The following CPE variants were observed in gnomAD, a reference collection of about 807,000 sequenced individuals.
CPE encodes carboxypeptidase E, also known as carbocypeptidase E.
Under a neutral mutation model 53.5 loss-of-function variants are expected in CPE, and 17 were observed. The ratio of observed to expected loss-of-function variants is 0.32; its 90% CI spans 0.22 to 0.48. The LOEUF (loss-of-function observed/expected upper bound fraction) is 0.48, where lower values mean the gene tolerates loss of function less well. CPE is among the 20% of genes least tolerant of loss of function. The pLI, the probability that CPE is intolerant of heterozygous loss-of-function variation, is 0.99. For synonymous variants in CPE, 226 were observed against 228.8 expected, an observed-to-expected ratio of 0.99 and a Z score of 0.11; for missense variants, 524 against 614.7, an observed-to-expected ratio of 0.85 and a Z score of 1.56.
At chr4:165,424,546 T>TTA (rs1190891333) in intron 1 of CPE, among the ~76,000 whole-genome samples, 1 of 152,116 alleles carries the variant, frequency 6.6e-6, no homozygotes, top group African/African-American at 2.4e-5. Context: ...ATTTATTTAT[T>TTA]TTTTTGAGAT....
chr4:165,405,309 T>A lies in CPE; in HGVS notation c.307+25781T>A. The A allele has an allele frequency of 2.2e-6, 3 of 1,339,434 alleles. No individual in the cohort carries two copies. The South Asian group carries it at 3.5e-5, about 16-fold the overall frequency. 83.0% of individuals were successfully genotyped at this position (1,339,434 alleles called of 1,614,324 possible). On this transcript the variant is annotated intron_variant, in intron 1 of 8. Transcript: ENST00000402744. ...TCCTTCTGTGGAGCTCCAGATGTAT[T>A]CTTCTTGCACAGGACCTGACCATGG... is the stretch of plus-strand genomic sequence containing the variant.
intron 1 of CPE, among the ~76,000 whole-genome samples, chr4:165,411,481 T>A (rs748962878): frequency 1.3e-5 from 2 of 152,188 alleles, no homozygotes; most frequent in Non-Finnish European, 2.9e-5. Flanking sequence ...TAAATCAGTG[T>A]CATACCAGTT....
chr4:165,417,149 A>G (rs1056688617), intron 1 of CPE, among the ~76,000 whole-genome samples: 1 of 152,166 alleles, frequency 6.6e-6, no homozygotes, highest in African/African-American at 2.4e-5. Flanking sequence ...AGAAGAAGGA[A>G]TGGGTGAGTG....
chr4:165,419,982 A>T (rs986332963), intron 1 of CPE, among the ~76,000 whole-genome samples: 1 of 152,330 alleles, frequency 6.6e-6, no homozygotes. Context: ...TCAAATATGA[A>T]AATAAAAGAT....
intron 1 of CPE, among the ~76,000 whole-genome samples, chr4:165,384,648 G>C (rs1245043438): frequency 1.3e-5 from 2 of 152,062 alleles, no homozygotes; most frequent in Non-Finnish European, 2.9e-5. Context: ...CAATAAAAAA[G>C]GGAGCTTATC....
At chr4:165,484,774 C>G (rs1732476399) in intron 5 of CPE, among the ~76,000 whole-genome samples, 170 bp downstream of exon 5, 1 of 152,118 alleles carries the variant, frequency 6.6e-6, no homozygotes. Flanking sequence ...TGAATGATTA[C>G]TATGTATAAT....
At chr4:165,458,651 A>G (rs371081188) in intron 1 of CPE, among the ~76,000 whole-genome samples, 3 of 152,202 alleles carry the variant, frequency 2.0e-5, no homozygotes, top group East Asian at 1.9e-4. Flanking sequence ...TACAACCCAC[A>G]TTCACATTTG....
At chr4:165,449,160 G>C (rs913653189) in intron 1 of CPE, among the ~76,000 whole-genome samples, 2 of 152,194 alleles carry the variant, frequency 1.3e-5, no homozygotes, top group Admixed American at 6.5e-5. Flanking sequence ...TGATTATCAA[G>C]ACCAATCCTC....
At chr4:165,487,947 G>A (rs1192690529) in intron 6 of CPE, among the ~76,000 whole-genome samples, 1 of 152,056 alleles carries the variant, frequency 6.6e-6, no homozygotes, top group Non-Finnish European at 1.5e-5. Context: ...ATTTAAGGAG[G>A]ATTTTAATCT....
chr4:165,433,988 C>A (rs1030972399), intron 1 of CPE, among the ~76,000 whole-genome samples: 1 of 152,130 alleles, frequency 6.6e-6, no homozygotes, highest in Non-Finnish European at 1.5e-5. Flanking sequence ...AGCTGTTTTA[C>A]GGTTCCCTGG....
intron 1 of CPE, among the ~76,000 whole-genome samples, chr4:165,397,047 T>G (rs951859398): frequency 6.6e-6 from 1 of 152,080 alleles, no homozygotes; most frequent in Non-Finnish European, 1.5e-5. Context: ...GGTGATAGAA[T>G]GAGACCTTGT....
chr4:165,435,469 A>G (rs1731484258), intron 1 of CPE, among the ~76,000 whole-genome samples: 1 of 152,230 alleles, frequency 6.6e-6, no homozygotes, highest in African/African-American at 2.4e-5. Context: ...GGGTTATTAT[A>G]TCATAGGAAA....
intron 1 of CPE, among the ~76,000 whole-genome samples, chr4:165,418,944 T>C (rs1731165695): frequency 6.6e-6 from 1 of 152,182 alleles, no homozygotes; most frequent in Non-Finnish European, 1.5e-5. Context: ...TTAAGATAGA[T>C]GTGGTTGAAC....
At chr4:165,395,552 T>C (rs1730749493) in intron 1 of CPE, among the ~76,000 whole-genome samples, 1 of 152,212 alleles carries the variant, frequency 6.6e-6, no homozygotes, top group Admixed American at 6.5e-5. Flanking sequence ...CCAAGTTATC[T>C]TATATAAATG....
At position 165,464,298 on chromosome 4, in the gene CPE, C is replaced by T. The variant is rs75758673; in HGVS notation, c.308-92C>T. The T allele has an allele frequency of 5.6e-4, 570 of 1,024,518 alleles. 6 individuals carry two copies. In the East Asian group the frequency reaches 0.015, roughly 27 times the overall value. 63.5% of individuals were successfully genotyped at this position (1,024,518 alleles called of 1,614,324 possible). A position where few individuals can be genotyped will look rare whatever the true frequency, so the allele number is the denominator to read the frequency against. On this transcript the variant is annotated intron_variant, in intron 1 of 8. Transcript: ENST00000402744. ...GGCATCGCTGCTGGAGGAAAAAACC[C>T]ATCAGATATTCATAATACATTTGTA...
At chr4:165,496,052 G>C (rs1732700875) in intron 8 of CPE, among the ~76,000 whole-genome samples, 1 of 152,020 alleles carries the variant, frequency 6.6e-6, no homozygotes, top group Admixed American at 6.6e-5. Context: ...AATTTTAGGT[G>C]GTAACCAAAC....
intron 1 of CPE, among the ~76,000 whole-genome samples, chr4:165,391,285 T>G (rs1730674884): frequency 6.6e-6 from 1 of 152,156 alleles, no homozygotes. Context: ...GACTTGTTAA[T>G]ATTTTTTCAA....
At chr4:165,427,346 T>A (rs1731338602) in intron 1 of CPE, among the ~76,000 whole-genome samples, 1 of 152,008 alleles carries the variant, frequency 6.6e-6, no homozygotes, top group Non-Finnish European at 1.5e-5. Context: ...TTTTTTTTCC[T>A]GTGCATATGT....
chr4:165,401,127 A>G (rs967033343), intron 1 of CPE, among the ~76,000 whole-genome samples: 1 of 151,890 alleles, frequency 6.6e-6, no homozygotes, highest in Non-Finnish European at 1.5e-5. Context: ...TTTGTACTGG[A>G]TAACTCTTCT....
Sources: allele counts gnomAD v4.1 joint callset (sites outside exome capture counted in the v4.1 genomes callset), GRCh38; gene constraint gnomAD v4.1.1; transcripts MANE v1.5; gene names NCBI Gene and HGNC (gene_info 2026-07-23, HGNC 2026-07-21).